Variants in PDE1A observed in about 807,000 individuals in gnomAD.
PDE1A encodes dual specificity calcium/calmodulin-dependent 3',5'-cyclic nucleotide phosphodiesterase 1A.
A neutral mutation model predicts 61.7 loss-of-function variants in PDE1A; 35 were observed. The ratio of observed to expected loss-of-function variants is 0.57; its 90% CI spans 0.43 to 0.75. PDE1A has a LOEUF of 0.75. PDE1A is among the 30% of genes least tolerant of loss of function. The probability of loss-of-function intolerance (pLI) is 0.00; values close to 1 mark genes in which losing one functional copy is unlikely to be tolerated. For missense variants in PDE1A, 597 were observed against 630.6 expected (o/e 0.95, Z 0.57); for synonymous variants, 232 against 213.2 (o/e 1.09, Z -0.77).
intron 1 of PDE1A, among the ~76,000 whole-genome samples, chr2:182,284,387 A>G (rs1213339342): frequency 6.6e-6 from 1 of 152,154 alleles, no homozygotes; most frequent in African/African-American, 2.4e-5. Flanking sequence ...GATTTTAATA[A>G]GATGACTGAT....
intron 1 of PDE1A, among the ~76,000 whole-genome samples, chr2:182,385,928 T>C (rs1011916658): frequency 6.6e-6 from 1 of 152,074 alleles, no homozygotes; most frequent in African/African-American, 2.4e-5. Flanking sequence ...TGGACTGTAC[T>C]GCTGCCATCT....
At chr2:182,366,371 G>A (rs1699838270) in intron 1 of PDE1A, among the ~76,000 whole-genome samples, 1 of 151,926 alleles carries the variant, frequency 6.6e-6, no homozygotes. Context: ...TATGGGTGAG[G>A]TGACATTTCT....
At chr2:182,542,985 G>A in the PDE1A span, among the ~76,000 whole-genome samples, 92 of 152,234 alleles carry the variant, frequency 6.0e-4, 2 homozygotes, top group East Asian at 0.015. Context: ...TCCACATCTC[G>A]TTTTTCCTTT....
At chr2:182,435,790 G>A (rs773799233) in intron 2 of PDE1A, among the ~76,000 whole-genome samples, 38 of 151,972 alleles carry the variant, frequency 2.5e-4, no homozygotes, top group Non-Finnish European at 4.1e-4. Flanking sequence ...GCTTTCCTCC[G>A]TATTTTAAGT....
intron 1 of PDE1A, among the ~76,000 whole-genome samples, chr2:182,330,668 G>A (rs1009715077): frequency 1.3e-5 from 2 of 152,012 alleles, no homozygotes; most frequent in African/African-American, 4.8e-5. Context: ...CACTACCATC[G>A]CTGCAGCTCT....
chr2:182,652,446 G>A, the PDE1A span, among the ~76,000 whole-genome samples: 21 of 152,048 alleles, frequency 1.4e-4, no homozygotes, highest in African/African-American at 3.1e-4. Flanking sequence ...CATCCTCAGC[G>A]TCAGAGGAAC....
At chr2:182,688,692 T>G in the PDE1A span, among the ~76,000 whole-genome samples, 4 of 152,114 alleles carry the variant, frequency 2.6e-5, no homozygotes, top group Non-Finnish European at 5.9e-5. Context: ...TAACCTTAAA[T>G]GTAAATGAGC....
At chr2:182,545,717 C>T in the PDE1A span, among the ~76,000 whole-genome samples, 1 of 152,142 alleles carries the variant, frequency 6.6e-6, no homozygotes, top group Non-Finnish European at 1.5e-5. Flanking sequence ...ACTCTCTGTT[C>T]CTCTGTAAAA....
chr2:182,230,094 C>G, exon 6 of PDE1A: 1 of 1,612,680 alleles, frequency 6.2e-7, no homozygotes, highest in Non-Finnish European at 8.5e-7. Context: ...TTTGTACTTG[C>G]TGTAACCAAC....
chr2:182,170,510 C>A (rs1366011124), intron 13 of PDE1A, among the ~76,000 whole-genome samples: 2 of 151,876 alleles, frequency 1.3e-5, no homozygotes, highest in Non-Finnish European at 1.5e-5. Context: ...GAAATTCTTT[C>A]CTCTTTCTGT....
the PDE1A span, among the ~76,000 whole-genome samples, chr2:182,640,324 T>C: frequency 2.0e-5 from 3 of 152,150 alleles, no homozygotes; most frequent in African/African-American, 7.2e-5. Flanking sequence ...GAACTGACAC[T>C]GAATAAAAGT....
intron 7 of PDE1A, among the ~76,000 whole-genome samples, chr2:182,223,272 A>G (rs1688877219): frequency 6.6e-6 from 1 of 151,960 alleles, no homozygotes; most frequent in African/African-American, 2.4e-5. Flanking sequence ...TAGCATCCAT[A>G]ATTGTGAAAA....
At chr2:182,366,890 AAC>A (rs1361421432) in intron 1 of PDE1A, among the ~76,000 whole-genome samples, 1 of 152,022 alleles carries the variant, frequency 6.6e-6, no homozygotes, top group Non-Finnish European at 1.5e-5. Context: ...TACAGAAATA[AAC>A]AGAGTAAAGC....
At chr2:182,711,921 G>C in the PDE1A span, among the ~76,000 whole-genome samples, 1 of 152,166 alleles carries the variant, frequency 6.6e-6, no homozygotes, top group African/African-American at 2.4e-5. Flanking sequence ...GAGTCTCAAA[G>C]CACCTCCAAT....
chr2:182,619,311 T>G, the PDE1A span, among the ~76,000 whole-genome samples: 1 of 152,038 alleles, frequency 6.6e-6, no homozygotes, highest in African/African-American at 2.4e-5. Context: ...TGTGTAAAAT[T>G]TAAAAACCTG....
intron 1 of PDE1A, among the ~76,000 whole-genome samples, chr2:182,347,030 A>C (rs1188814431): frequency 6.6e-6 from 1 of 152,152 alleles, no homozygotes; most frequent in African/African-American, 2.4e-5. Context: ...TTATTTTGAA[A>C]CCAAAGCTGA....
At chr2:182,366,514 T>C (rs1234057800) in intron 1 of PDE1A, among the ~76,000 whole-genome samples, 2 of 152,068 alleles carry the variant, frequency 1.3e-5, no homozygotes, top group Non-Finnish European at 2.9e-5. Context: ...CCCATCCTCA[T>C]TAATTTAATA....
intron 2 of PDE1A, among the ~76,000 whole-genome samples, chr2:182,453,765 T>A (rs1352898541): frequency 6.6e-6 from 1 of 152,146 alleles, no homozygotes; most frequent in African/African-American, 2.4e-5. Flanking sequence ...ATGGGATGTA[T>A]CTCAAAATAA....
At chr2:182,152,451 G>A (rs1352343489) in intron 13 of PDE1A, among the ~76,000 whole-genome samples, 9 of 111,246 alleles carry the variant, frequency 8.1e-5, no homozygotes, top group Middle Eastern at 9.4e-3. Context: ...ATGGAGTCTC[G>A]CTCTTGTTGC....
Sources: allele counts gnomAD v4.1 joint callset (sites outside exome capture counted in the v4.1 genomes callset), GRCh38; gene constraint gnomAD v4.1.1; transcripts MANE v1.5; gene names NCBI Gene and HGNC (gene_info 2026-07-23, HGNC 2026-07-21).